Variants in GNAQ observed in about 807,000 individuals in gnomAD.
GNAQ encodes the protein G protein subunit alpha q, also known as guanine nucleotide-binding protein G(q) subunit alpha.
In GNAQ, 8 loss-of-function variants were observed where a neutral mutation model predicts 43.9. The observed-to-expected ratio is 0.18, with a 90% CI of 0.11 to 0.33. GNAQ has a LOEUF of 0.33. GNAQ is among the 10% of genes least tolerant of loss of function. GNAQ has a pLI of 1.00. For missense variants in GNAQ, 158 were observed against 450.8 expected (o/e 0.35, Z 5.88); for synonymous variants, 155 against 170.7 (o/e 0.91, Z 0.71).
At chr9:77,729,037 C>T (rs1302607327) in intron 5 of GNAQ, among the ~76,000 whole-genome samples, 1 of 152,198 alleles carries the variant, frequency 6.6e-6, no homozygotes, top group Non-Finnish European at 1.5e-5. Flanking sequence ...GAACTAAGGA[C>T]TAGATATGGC....
intron 2 of GNAQ, among the ~76,000 whole-genome samples, chr9:77,847,429 G>C (rs190966753): frequency 4.4e-4 from 67 of 152,314 alleles, no homozygotes; most frequent in Admixed American, 1.4e-3. Context: ...GGAGGAGATG[G>C]AAGAGGAAAT....
Position 77,951,298 on chromosome 9 carries a change from A to C in GNAQ, c.137-28953T>G, listed in dbSNP as rs997182402. Among the ~76,000 whole-genome samples, 3 of 151,870 alleles carry C rather than the reference A, an allele frequency of 2.0e-5. No homozygotes were observed. In the South Asian group the frequency reaches 6.2e-4, roughly 31 times the overall value. On this transcript the variant is annotated intron_variant, in intron 1 of 6. Transcript: ENST00000286548. ...TTTTTAGTAGAGACGGGGTTTCTCC[A>C]TGTTGGCCAGGCTGGTCTTGAACTC...
Position 77,963,570 on chromosome 9 carries a change from G to A in GNAQ, c.137-41225C>T, listed in dbSNP as rs370254962. On this transcript the variant is annotated intron_variant, in intron 1 of 6. Transcript: ENST00000286548. ...AAAGCACAATCAAAGCAATGGCTAC[G>A]AAGAGGTGGAAGTCAAAGCAAATGC... Among the ~76,000 whole-genome samples the A allele has an allele frequency of 9.9e-5, 15 of 152,204 alleles. No homozygotes were observed. The East Asian group carries it at 2.5e-3, about 26-fold the overall frequency.
intron 2 of GNAQ, among the ~76,000 whole-genome samples, chr9:77,852,304 C>T (rs894440397): frequency 5.9e-5 from 9 of 152,340 alleles, no homozygotes; most frequent in Middle Eastern, 3.4e-3. Context: ...CCTGCAGTGA[C>T]GTCCTGACCA....
intron 1 of GNAQ, among the ~76,000 whole-genome samples, chr9:78,008,819 G>C (rs139037038): frequency 6.6e-6 from 1 of 152,104 alleles, no homozygotes; most frequent in Non-Finnish European, 1.5e-5. Flanking sequence ...GGGTTTCACC[G>C]TGTTAACCAG....
chr9:77,970,277 TC>T, intron 1 of GNAQ, among the ~76,000 whole-genome samples: 1 of 151,936 alleles, frequency 6.6e-6, no homozygotes, highest in East Asian at 1.9e-4. Flanking sequence ...CACAAACTCC[TC>T]CTCTCTACTC....
At chr9:77,895,974 T>C (rs1201574666) in intron 2 of GNAQ, among the ~76,000 whole-genome samples, 1 of 152,148 alleles carries the variant, frequency 6.6e-6, no homozygotes, top group Non-Finnish European at 1.5e-5. Context: ...GCTCTTTCTT[T>C]TGTAAATTGC....
intron 2 of GNAQ, among the ~76,000 whole-genome samples, chr9:77,857,385 C>A (rs576866195): frequency 2.0e-5 from 3 of 152,152 alleles, no homozygotes; most frequent in South Asian, 4.2e-4. Context: ...TTATCTAGAT[C>A]TTTGTTTAAC....
At chr9:77,775,306 T>TA (rs1230346323) in intron 5 of GNAQ, among the ~76,000 whole-genome samples, 1 of 152,088 alleles carries the variant, frequency 6.6e-6, no homozygotes, top group African/African-American at 2.4e-5. Flanking sequence ...TCAAAGGGTA[T>TA]AAACACCTCA....
chr9:77,831,597 T>A (rs1298139304), intron 2 of GNAQ, among the ~76,000 whole-genome samples: 2 of 152,208 alleles, frequency 1.3e-5, no homozygotes, highest in Non-Finnish European at 2.9e-5. Flanking sequence ...GACATACGCT[T>A]TCAATGTGAC....
At chr9:77,840,180 T>C (rs11145581) in intron 2 of GNAQ, among the ~76,000 whole-genome samples, 82,268 of 151,934 alleles carry the variant, frequency 0.54, 25,190 homozygotes, top group Middle Eastern at 0.69. Flanking sequence ...GAATAATGGC[T>C]TCTCTAAAGA....
chr9:77,887,699 C>G (rs1443269487), intron 2 of GNAQ, among the ~76,000 whole-genome samples: 1 of 152,144 alleles, frequency 6.6e-6, no homozygotes, highest in African/African-American at 2.4e-5. Flanking sequence ...TATTGTTCTA[C>G]CATATATTCT....
intron 2 of GNAQ, among the ~76,000 whole-genome samples, chr9:77,850,704 C>T (rs1827661583): frequency 6.6e-6 from 1 of 152,202 alleles, no homozygotes; most frequent in South Asian, 2.1e-4. Flanking sequence ...CCAGACCTGG[C>T]AAACCCATCC....
intron 1 of GNAQ, among the ~76,000 whole-genome samples, chr9:77,972,897 G>A (rs1823254446): frequency 6.7e-6 from 1 of 148,762 alleles, no homozygotes; most frequent in South Asian, 2.1e-4. Context: ...AGTTTGCAGT[G>A]AGCCGAGATC....
chr9:77,727,021 C>G (rs888765849), intron 6 of GNAQ, among the ~76,000 whole-genome samples: 4 of 151,866 alleles, frequency 2.6e-5, no homozygotes, highest in Non-Finnish European at 4.4e-5. Flanking sequence ...CTCAATAAAA[C>G]TTTATTCATA....
chr9:77,931,646 T>C (rs137983582), intron 1 of GNAQ, among the ~76,000 whole-genome samples: 68 of 152,214 alleles, frequency 4.5e-4, no homozygotes, highest in African/African-American at 1.5e-3. Flanking sequence ...TCCAGGAAGT[T>C]AAAGACTCTA....
chr9:77,874,817 C>T (rs141831284), intron 2 of GNAQ, among the ~76,000 whole-genome samples: 233 of 151,966 alleles, frequency 1.5e-3, no homozygotes, highest in African/African-American at 5.4e-3. Flanking sequence ...GTAGAGGTTT[C>T]GCCATGTTGG....
intron 2 of GNAQ, among the ~76,000 whole-genome samples, chr9:77,879,589 G>A (rs1828179371): frequency 6.6e-6 from 1 of 152,218 alleles, no homozygotes; most frequent in Admixed American, 6.5e-5. Context: ...AGTAATATCT[G>A]TCCAGACTTA....
chr9:77,870,354 G>A (rs1428649470), intron 2 of GNAQ, among the ~76,000 whole-genome samples: 12 of 134,532 alleles, frequency 8.9e-5, no homozygotes, highest in Non-Finnish European at 1.4e-4. Context: ...TTTTTTAGAC[G>A]GAGTTTTGCT....
Sources: allele counts gnomAD v4.1 joint callset (sites outside exome capture counted in the v4.1 genomes callset), GRCh38; gene constraint gnomAD v4.1.1; transcripts MANE v1.5; gene names NCBI Gene and HGNC (gene_info 2026-07-23, HGNC 2026-07-21).